Variants in TSHZ1 observed in about 807,000 individuals in gnomAD.
TSHZ1 encodes the protein teashirt zinc finger homeobox 1.
Under a neutral mutation model 67.1 loss-of-function variants are expected in TSHZ1, and 12 were observed. That is an observed-to-expected ratio of 0.18 (90% CI 0.11 to 0.29). The LOEUF is 0.29. Ranked by LOEUF, TSHZ1 falls within the 10% of genes least tolerant of loss-of-function variation. The pLI is 1.00. For synonymous variants in TSHZ1, 632 were observed against 622.4 expected (o/e 1.02, Z -0.23); for missense variants, 1,305 against 1,413.9 (o/e 0.92, Z 1.23).
At chr18:75,260,461 C>G (rs1234477857) in intron 1 of TSHZ1, among the ~76,000 whole-genome samples, 3 of 152,198 alleles carry the variant, frequency 2.0e-5, no homozygotes, top group Non-Finnish European at 4.4e-5. Flanking sequence ...TGCCAAGTAG[C>G]AGAAGCTCAG....
chr18:75,232,583 CT>C (rs1333406101), intron 1 of TSHZ1, among the ~76,000 whole-genome samples: 3 of 152,130 alleles, frequency 2.0e-5, no homozygotes, highest in African/African-American at 7.2e-5. Context: ...ACAGATAGTT[CT>C]GCACATTGGA....
At chr18:75,213,771 A>G (rs903866356) in intron 1 of TSHZ1, among the ~76,000 whole-genome samples, 2 of 152,190 alleles carry the variant, frequency 1.3e-5, no homozygotes, top group South Asian at 4.1e-4. Flanking sequence ...TGACAGGCAC[A>G]TATATCATTG....
At position 75,275,092 on chromosome 18, in the gene TSHZ1, C is replaced by A. The variant is rs139680762; in HGVS notation, c.41-10356C>A. The stretch of plus-strand genomic sequence containing the variant: ...TCAGTAGCAGCACAGGTGCCTGGTA[C>A]ACGTCCTTGCCACTTGCCTACATCC... On this transcript the variant is annotated intron_variant, in intron 1 of 1. Transcript: ENST00000580243. 2.6e-5 allele frequency among the ~76,000 whole-genome samples: 4 copies of A among 152,354 alleles called. No homozygotes were observed. In the East Asian group the frequency reaches 7.7e-4, roughly 29 times the overall value.
At chr18:75,268,998 T>A (rs2023525522) in intron 1 of TSHZ1, among the ~76,000 whole-genome samples, 1 of 152,218 alleles carries the variant, frequency 6.6e-6, no homozygotes, top group Non-Finnish European at 1.5e-5. Flanking sequence ...GAACTGTGTT[T>A]GATTGACGAC....
rs572546364 is a variant in TSHZ1 at position 75,252,745 on chromosome 18, A to G, written c.41-32703A>G. On this transcript the variant is annotated intron_variant, in intron 1 of 1. Coordinates refer to ENST00000580243, the MANE Select transcript of TSHZ1 (RefSeq NM_001308210.2). ...AGAATATAGATATATGTATATATGTATATATTTGCGATTGTCTTTCAAATT... is the reference window on the plus strand; with the variant it reads ...AGAATATAGATATATGTATATATGTGTATATTTGCGATTGTCTTTCAAATT... 2.6e-5 allele frequency among the ~76,000 whole-genome samples: 4 copies of G among 152,272 alleles called. No homozygotes were observed. The South Asian group carries it at 8.3e-4, about 32-fold the overall frequency.
chr18:75,262,404 A>G (rs1307811731), intron 1 of TSHZ1, among the ~76,000 whole-genome samples: 4 of 152,164 alleles, frequency 2.6e-5, no homozygotes, highest in African/African-American at 9.7e-5. Flanking sequence ...TTATTCAACA[A>G]ATATTCACCA....
intron 1 of TSHZ1, among the ~76,000 whole-genome samples, chr18:75,217,240 T>A (rs1384294480): frequency 6.6e-6 from 1 of 152,234 alleles, no homozygotes; most frequent in Admixed American, 6.5e-5. Context: ...AAGAAATAGA[T>A]AATCATTGAT....
intron 1 of TSHZ1, among the ~76,000 whole-genome samples, chr18:75,279,025 G>T (rs1255417270): frequency 2.0e-5 from 3 of 152,154 alleles, no homozygotes; most frequent in South Asian, 2.1e-4. Context: ...GGTCACAAGA[G>T]CTTCAGACAA....
intron 1 of TSHZ1, among the ~76,000 whole-genome samples, chr18:75,277,388 T>TGAG (rs372745710): frequency 3.2e-4 from 49 of 151,376 alleles, no homozygotes; most frequent in Non-Finnish European, 4.9e-4. Context: ...CTGTGGGGTG[T>TGAG]GAGGAGGAGG....
At chr18:75,237,092 C>A (rs920036416) in intron 1 of TSHZ1, among the ~76,000 whole-genome samples, 3 of 152,184 alleles carry the variant, frequency 2.0e-5, no homozygotes, top group Non-Finnish European at 4.4e-5. Context: ...GTTAGTGCCT[C>A]AGTTTCTTCA....
chr18:75,261,577 G>C (rs1000243417), intron 1 of TSHZ1, among the ~76,000 whole-genome samples: 2 of 152,248 alleles, frequency 1.3e-5, no homozygotes, highest in Non-Finnish European at 2.9e-5. Flanking sequence ...ATTGACATGT[G>C]CACAGCCTGT....
At chr18:75,218,264 A>G (rs1444109875) in intron 1 of TSHZ1, among the ~76,000 whole-genome samples, 2 of 152,232 alleles carry the variant, frequency 1.3e-5, no homozygotes, top group Non-Finnish European at 2.9e-5. Flanking sequence ...ACAGGTGTCA[A>G]TTAAGAATTA....
chr18:75,281,138 G>C lies in TSHZ1; in HGVS notation c.41-4310G>C, dbSNP rs1599056813. Among the ~76,000 whole-genome samples, 1 of 152,346 alleles carries C rather than the reference G, an allele frequency of 6.6e-6. No individual in the cohort carries two copies. Among genetic ancestry groups the C allele is most frequent in the East Asian group, 1.9e-4 (1 of 5,180 alleles). The stretch of plus-strand genomic sequence containing the variant: ...GTTGTCGGGAGCACAGCGTCTGCTG[G>C]AAGGGAGAATGTCACGGACCAGGAG... On this transcript the variant is annotated intron_variant, in intron 1 of 1. Transcript: ENST00000580243. The surrounding 1 kb of genome is among the most constrained non-coding windows in gnomAD (Gnocchi z 5.3).
chr18:75,283,417 T>C (rs768560210), intron 1 of TSHZ1: 1 of 152,262 alleles, frequency 6.6e-6, no homozygotes, highest in African/African-American at 2.4e-5. Flanking sequence ...TATCTTTTAA[T>C]TTTATGAGCG....
rs371164343 is a variant in TSHZ1, at chr18:75,213,512, C to G, written c.40+1596C>G. Among the ~76,000 whole-genome samples, 179 of 152,136 alleles carry G rather than the reference C, an allele frequency of 1.2e-3. 4 individuals carry two copies. In the South Asian group the frequency reaches 0.036, roughly 30 times the overall value. On this transcript the variant is annotated intron_variant, in intron 1 of 1. Transcript: ENST00000580243. ...AGAATGTACAATAAAAAGTTGTGTT[C>G]AGAAAACTACTCCTGTACTCTTAAG...
At chr18:75,230,363 T>C (rs749489699) in intron 1 of TSHZ1, among the ~76,000 whole-genome samples, 4 of 152,098 alleles carry the variant, frequency 2.6e-5, no homozygotes, top group Non-Finnish European at 4.4e-5. Context: ...GAGCGCACCT[T>C]ACGGAGGGTC....
In TSHZ1 at chr18:75,277,586, A is replaced by T. The variant is rs371046910; in HGVS notation, c.41-7862A>T. 6.6e-5 allele frequency among the ~76,000 whole-genome samples: 10 copies of T among 152,180 alleles called. No individual in the cohort carries two copies. The East Asian group carries it at 1.4e-3, about 21-fold the overall frequency. On this transcript the variant is annotated intron_variant, in intron 1 of 1. Transcript: ENST00000580243. ...GGGCCTGCCTCCTGTGTGTACGTAG[A>T]TGGTGTCATCTCACTGTGTCGTCAT...
intron 1 of TSHZ1, among the ~76,000 whole-genome samples, chr18:75,216,883 C>G (rs74540049): frequency 3.9e-5 from 6 of 152,156 alleles, no homozygotes; most frequent in South Asian, 2.1e-4. Context: ...TCCACTGGGC[C>G]GGGACCCACT....
chr18:75,261,288 T>C (rs964222054), intron 1 of TSHZ1, among the ~76,000 whole-genome samples: 8 of 152,210 alleles, frequency 5.3e-5, no homozygotes, highest in African/African-American at 1.9e-4. Flanking sequence ...CTTCCAAAAA[T>C]GCTTTGACTC....
Sources: allele counts gnomAD v4.1 joint callset (sites outside exome capture counted in the v4.1 genomes callset), GRCh38; gene constraint gnomAD v4.1.1; non-coding constraint Gnocchi (gnomAD v3.1); transcripts MANE v1.5; gene names NCBI Gene and HGNC (gene_info 2026-07-23, HGNC 2026-07-21).